The following HSD17B12 variants were observed in gnomAD, a reference collection of about 807,000 sequenced individuals.
The protein encoded by HSD17B12 is hydroxysteroid 17-beta dehydrogenase 12, also known as very-long-chain 3-oxoacyl-CoA reductase.
Under a neutral mutation model 39.3 loss-of-function variants are expected in HSD17B12, and 32 were observed. The observed-to-expected ratio is 0.81, with a 90% CI of 0.61 to 1.09. HSD17B12 has a LOEUF of 1.09. HSD17B12 is among the 50% of genes least tolerant of loss of function. HSD17B12 has a pLI of 0.00. For missense variants in HSD17B12, 342 were observed against 382.9 expected (o/e 0.89, Z 0.89); for synonymous variants, 150 against 146.7 (o/e 1.02, Z -0.16).
At chr11:43,680,080 T>C (rs1313286563), upstream of HSD17B12, among the ~76,000 whole-genome samples, 1 of 151,906 alleles carries the variant, frequency 6.6e-6, no homozygotes, top group Non-Finnish European at 1.5e-5. Context: ...TCTTTTTTTT[T>C]TTGTTTTTGT....
At chr11:43,823,326 A>G (rs1338765723) in intron 6 of HSD17B12, among the ~76,000 whole-genome samples, 1 of 152,100 alleles carries the variant, frequency 6.6e-6, no homozygotes, top group Non-Finnish European at 1.5e-5. Flanking sequence ...GATGGAGTGC[A>G]GTGACACTAT....
the HSD17B12 span, among the ~76,000 whole-genome samples, chr11:43,570,783 T>C: frequency 6.6e-6 from 1 of 152,212 alleles, no homozygotes; most frequent in Non-Finnish European, 1.5e-5. Flanking sequence ...AAACCCACCA[T>C]ACCTAGAAAG....
the HSD17B12 span, among the ~76,000 whole-genome samples, chr11:43,672,210 G>A: frequency 7.2e-5 from 11 of 152,062 alleles, no homozygotes; most frequent in African/African-American, 2.2e-4. Flanking sequence ...CACCACGCCC[G>A]GCTAATTTTT....
the HSD17B12 span, among the ~76,000 whole-genome samples, chr11:43,603,181 T>G: frequency 6.6e-6 from 1 of 152,194 alleles, no homozygotes; most frequent in Non-Finnish European, 1.5e-5. Context: ...TATTTTTTAT[T>G]TTTTATTTCT....
chr11:43,727,490 C>CT (rs11354125), intron 1 of HSD17B12, among the ~76,000 whole-genome samples: 21 of 146,736 alleles, frequency 1.4e-4, no homozygotes, highest in South Asian at 6.5e-4. Context: ...GAATATAAGG[C>CT]TTTTTTTTTT....
At chr11:43,676,686 C>CTTAGATATT (rs1261887869), upstream of HSD17B12, among the ~76,000 whole-genome samples, 2 of 152,164 alleles carry the variant, frequency 1.3e-5, no homozygotes, top group Non-Finnish European at 2.9e-5. Flanking sequence ...ATCTTCACTT[C>CTTAGATATT]TGTTTATTTC....
chr11:43,720,541 A>T (rs990094273), intron 1 of HSD17B12, among the ~76,000 whole-genome samples: 1 of 152,206 alleles, frequency 6.6e-6, no homozygotes, highest in East Asian at 1.9e-4. Flanking sequence ...TCTGCCTGCC[A>T]TCAGGTCCCA....
intron 9 of HSD17B12, among the ~76,000 whole-genome samples, chr11:43,849,321 C>CAAAACA (rs1951509316): frequency 6.6e-6 from 1 of 151,756 alleles, no homozygotes; most frequent in African/African-American, 2.4e-5. Flanking sequence ...CAAAACAAAA[C>CAAAACA]AAAAAAATCC....
chr11:43,655,905 T>C, the HSD17B12 span, among the ~76,000 whole-genome samples: 1 of 152,216 alleles, frequency 6.6e-6, no homozygotes, highest in Non-Finnish European at 1.5e-5. Context: ...GGTATCAGGA[T>C]GATGCTGGCC....
At chr11:43,762,395 A>C (rs1352335375) in intron 3 of HSD17B12, among the ~76,000 whole-genome samples, 2 of 152,246 alleles carry the variant, frequency 1.3e-5, no homozygotes, top group Non-Finnish European at 2.9e-5. Context: ...AGCCTGACTT[A>C]CACTGAGAAT....
chr11:43,712,764 T>G (rs1014380936), intron 1 of HSD17B12, among the ~76,000 whole-genome samples: 1 of 152,212 alleles, frequency 6.6e-6, no homozygotes, highest in African/African-American at 2.4e-5. Context: ...CTGAGACCTC[T>G]CTCAGATTTT....
At chr11:43,581,912 C>T in the HSD17B12 span, among the ~76,000 whole-genome samples, 1 of 152,122 alleles carries the variant, frequency 6.6e-6, no homozygotes, top group South Asian at 2.1e-4. This position sits in a 1 kb window ranked among gnomAD's most constrained non-coding sequence, Gnocchi z 4.9. Context: ...CATTTTTGAC[C>T]GTAATGATCC....
chr11:43,807,242 C>A (rs1291238697), intron 4 of HSD17B12, among the ~76,000 whole-genome samples: 7 of 152,146 alleles, frequency 4.6e-5, no homozygotes, highest in Admixed American at 4.6e-4. Flanking sequence ...GAACGTGTTG[C>A]ATGTAATGAA....
At chr11:43,593,886 T>A in the HSD17B12 span, among the ~76,000 whole-genome samples, 568 of 152,282 alleles carry the variant, frequency 3.7e-3, 8 homozygotes, top group East Asian at 0.034. Context: ...AAATATCACA[T>A]GAATTTCTGT....
At chr11:43,636,855 T>C in the HSD17B12 span, among the ~76,000 whole-genome samples, 5 of 152,132 alleles carry the variant, frequency 3.3e-5, no homozygotes, top group Non-Finnish European at 7.3e-5. Context: ...CATTCTGAGG[T>C]AATCAAGTGC....
the HSD17B12 span, among the ~76,000 whole-genome samples, chr11:43,598,133 A>C: frequency 2.0e-4 from 31 of 152,004 alleles, no homozygotes; most frequent in Admixed American, 4.6e-4. Flanking sequence ...AGGGTGGAAA[A>C]GGCTCATGGC....
chr11:43,717,618 T>C (rs1239072705), intron 1 of HSD17B12, among the ~76,000 whole-genome samples: 1 of 152,172 alleles, frequency 6.6e-6, no homozygotes, highest in African/African-American at 2.4e-5. Context: ...GTCTGGGGCC[T>C]TGATACTAGT....
chr11:43,758,564 G>A lies in HSD17B12; in HGVS notation c.283+4443G>A, dbSNP rs149315382. 2.2e-3 allele frequency among the ~76,000 whole-genome samples: 336 copies of A among 152,282 alleles called. 1 individual carries two copies. The Middle Eastern group carries it at 0.031, about 14-fold the overall frequency. ...CACATTTAAATCTGATGTTAGCAAG[G>A]TGAACTCCATGGCTATAAAACATAA... On this transcript the variant is annotated intron_variant, in intron 3 of 10. Transcript: ENST00000278353.
intron 3 of HSD17B12, among the ~76,000 whole-genome samples, chr11:43,772,481 C>T (rs993981982): frequency 6.6e-6 from 1 of 152,154 alleles, no homozygotes; most frequent in African/African-American, 2.4e-5. Flanking sequence ...GGCACAATTA[C>T]AAGATGACTT....
Sources: gnomAD v4.1 joint callset for allele counts (sites outside exome capture counted in the v4.1 genomes callset) on GRCh38, gnomAD v4.1.1 for gene constraint, Gnocchi (gnomAD v3.1) non-coding constraint, MANE v1.5 for transcripts, NCBI Gene and HGNC (gene_info 2026-07-23, HGNC 2026-07-21) for gene names.